The following NMT2 variants were observed in gnomAD, a reference collection of about 807,000 sequenced individuals.
The protein encoded by NMT2 is N-myristoyltransferase 2, also known as glycylpeptide N-tetradecanoyltransferase 2.
NMT2 carries 35 observed loss-of-function variants against 65.4 expected under a neutral mutation model. The ratio of observed to expected loss-of-function variants is 0.54; its 90% confidence interval spans 0.41 to 0.71. The LOEUF (loss-of-function observed/expected upper bound fraction) is 0.71. Ranked by LOEUF, NMT2 falls within the 30% of genes least tolerant of loss-of-function variation. The pLI is 0.00. For synonymous variants in NMT2, 226 were observed against 231.8 expected, an observed-to-expected ratio of 0.98 and a Z score of 0.23; for missense variants, 489 against 611.3, an observed-to-expected ratio of 0.80 and a Z score of 2.11.
intron 8 of NMT2, among the ~76,000 whole-genome samples, chr10:15,120,964 C>T (rs1253669800): frequency 1.3e-5 from 2 of 152,130 alleles, no homozygotes; most frequent in Non-Finnish European, 2.9e-5. Flanking sequence ...AGGAATAAAA[C>T]ACCTAAAAGT....
chr10:15,119,848 T>G (rs998068555), intron 8 of NMT2, among the ~76,000 whole-genome samples: 1 of 152,188 alleles, frequency 6.6e-6, no homozygotes, highest in Non-Finnish European at 1.5e-5. Context: ...TACAAGTTCA[T>G]GATGTACGCC....
chr10:15,168,112 C>G (rs1833435833), intron 1 of NMT2, among the ~76,000 whole-genome samples: 1 of 152,180 alleles, frequency 6.6e-6, no homozygotes. Context: ...GACCTCCTAC[C>G]CCAGGCTGCG....
intron 1 of NMT2, among the ~76,000 whole-genome samples, chr10:15,159,961 G>A (rs879734697): frequency 7.2e-5 from 11 of 152,154 alleles, no homozygotes; most frequent in Non-Finnish European, 4.4e-5. Context: ...CAGGGCTTCC[G>A]GCAGGGGTCA....
At chr10:15,137,745 C>T (rs1334665160) in intron 2 of NMT2, among the ~76,000 whole-genome samples, 1 of 152,048 alleles carries the variant, frequency 6.6e-6, no homozygotes, top group African/African-American at 2.4e-5. Context: ...TCCTTGATTT[C>T]TTTCCTGGTT....
chr10:15,109,819 A>T lies in NMT2; in HGVS notation c.1359T>A (p.Asn453Lys). The T allele has an allele frequency of 6.2e-7, 1 of 1,610,252 alleles. No homozygotes were observed. The highest frequency in any genetic ancestry group is 8.5e-7 in the Non-Finnish European group (1 of 1,178,890). Residue 453 changes from asparagine to lysine, a missense_variant, in exon 11 of 12, where the codon AAT (asparagine) becomes AAA (lysine). Transcript: ENST00000378165. ...TCTTATTTTCCATCAAATCCAGTGCATTGAATACATCAAATCCTTTCTGCC... is the reference window on the plus strand; with the variant it reads ...TCTTATTTTCCATCAAATCCAGTGCTTTGAATACATCAAATCCTTTCTGCC... ...LAKSKGFDVFNALDLMENKTF... is the reference protein window; with the variant it reads ...LAKSKGFDVFKALDLMENKTF...
chr10:15,122,016 A>C (rs1184906046), intron 8 of NMT2, among the ~76,000 whole-genome samples: 1 of 152,232 alleles, frequency 6.6e-6, no homozygotes, highest in Non-Finnish European at 1.5e-5. Flanking sequence ...CACTGGAAAT[A>C]AATAAGCACT....
chr10:15,142,432 C>T (rs746984011), intron 1 of NMT2, among the ~76,000 whole-genome samples: 3 of 152,118 alleles, frequency 2.0e-5, no homozygotes, highest in Non-Finnish European at 2.9e-5. Flanking sequence ...TACAGTGGCA[C>T]GCACTTGTAG....
intron 1 of NMT2, among the ~76,000 whole-genome samples, chr10:15,151,070 T>G (rs992791017): frequency 6.6e-6 from 1 of 151,990 alleles, no homozygotes; most frequent in East Asian, 1.9e-4. Context: ...TTTTTTTTTT[T>G]TTTTGGAGAC....
chr10:15,117,307 A>C (rs1845777333), intron 9 of NMT2, among the ~76,000 whole-genome samples: 1 of 152,250 alleles, frequency 6.6e-6, no homozygotes, highest in Admixed American at 6.5e-5. Flanking sequence ...ATATGATTAC[A>C]TCTATTGAAG....
chr10:15,107,700 C>T lies in NMT2; in HGVS notation c.*1495G>A, dbSNP rs983121707. The T allele has an allele frequency of 1.1e-6, 1 of 889,580 alleles. No individual in the cohort carries two copies. The allele number at this position is 889,580 out of a possible 1,614,324, so 55.1% of individuals were successfully genotyped here. Reference sequence around the variant, plus strand: ...GAACCCCTGACCTCAAATGTTTCGCCCGCCTTGGCCTCCCAAAGTGCTGGG... The same window carrying T: ...GAACCCCTGACCTCAAATGTTTCGCTCGCCTTGGCCTCCCAAAGTGCTGGG... On this transcript the variant is annotated 3_prime_UTR_variant, in exon 12 of 12. Coordinates refer to ENST00000378165, the MANE Select transcript of NMT2 (RefSeq NM_004808.3).
intron 3 of NMT2, among the ~76,000 whole-genome samples, chr10:15,133,959 T>C (rs150800640): frequency 1.5e-4 from 23 of 152,264 alleles, no homozygotes; most frequent in African/African-American, 5.3e-4. Context: ...AAAACAACAG[T>C]GATTCCGAGT....
At chr10:15,124,681 T>C (rs1022059794) in intron 8 of NMT2, among the ~76,000 whole-genome samples, 1 of 152,154 alleles carries the variant, frequency 6.6e-6, no homozygotes, top group Non-Finnish European at 1.5e-5. Flanking sequence ...CTGCTAGCAG[T>C]GGTATCACCC....
chr10:15,127,899 A>T (rs532238811), intron 8 of NMT2, among the ~76,000 whole-genome samples: 20,171 of 120,844 alleles, frequency 0.17, 2,059 homozygotes, highest in African/African-American at 0.51. Context: ...GACTGTCTCC[A>T]AAAAAAAAAA....
At chr10:15,110,110 A>G (rs893925571) in intron 10 of NMT2, among the ~76,000 whole-genome samples, 4 of 151,968 alleles carry the variant, frequency 2.6e-5, no homozygotes, top group Middle Eastern at 3.2e-3. Flanking sequence ...CATCTCTACT[A>G]AAAATAACAA....
intron 1 of NMT2, among the ~76,000 whole-genome samples, chr10:15,160,041 G>A (rs1356884954): frequency 6.6e-6 from 1 of 152,178 alleles, no homozygotes; most frequent in Non-Finnish European, 1.5e-5. Context: ...CTTGAACTTA[G>A]AGAAGAGGAG....
At chr10:15,140,349 C>A (rs1589334291) in intron 2 of NMT2, among the ~76,000 whole-genome samples, 2 of 152,268 alleles carry the variant, frequency 1.3e-5, no homozygotes, top group Admixed American at 1.3e-4. Context: ...GTCTTGAACT[C>A]CTGGGCTCAA....
At chr10:15,141,201 A>G in intron 2 of NMT2, 5 of 791,282 alleles carry the variant, frequency 6.3e-6, no homozygotes. Flanking sequence ...GGAAAAACAC[A>G]GCAGGTATCC....
chr10:15,126,769 A>G (rs1464122308), intron 8 of NMT2, among the ~76,000 whole-genome samples: 2 of 152,194 alleles, frequency 1.3e-5, no homozygotes, highest in Non-Finnish European at 2.9e-5. Context: ...AAAGCACAGG[A>G]CTCAGCTAAG....
Position 15,119,270 on chromosome 10 carries a change from AAAT to A in NMT2, c.1170+70_1170+72del, listed in dbSNP as rs1197613964. The A allele has an allele frequency of 7.5e-6, 10 of 1,338,900 alleles. No individual in the cohort carries two copies. In the East Asian group the frequency reaches 2.3e-4, roughly 31 times the overall value. The allele number at this position is 1,338,900 out of a possible 1,614,324, so 82.9% of individuals were successfully genotyped here. A position where few individuals can be genotyped will look rare whatever the true frequency, so the allele number is the denominator to read the frequency against. ...TGATGAAATAGAAGGAAGTGTGTGT[AAAT>A]AATTCTGCTGCACGCTGAACACAAA... On this transcript the variant is annotated intron_variant, in intron 9 of 11. Coordinates refer to ENST00000378165, the MANE Select transcript of NMT2 (RefSeq NM_004808.3).
Sources: allele counts gnomAD v4.1 joint callset (sites outside exome capture counted in the v4.1 genomes callset), GRCh38; gene constraint gnomAD v4.1.1; transcripts MANE v1.5; gene names NCBI Gene and HGNC (gene_info 2026-07-23, HGNC 2026-07-21).